Variants in MGAT4C observed in about 807,000 individuals in gnomAD.
MGAT4C encodes MGAT4 family member C.
In MGAT4C, 19 loss-of-function variants were observed where a neutral mutation model predicts 40.1. That is an observed-to-expected ratio of 0.47 (90% CI 0.33 to 0.70). MGAT4C has a LOEUF of 0.70. Ranked by LOEUF, MGAT4C falls within the 30% of genes least tolerant of loss-of-function variation. The probability of loss-of-function intolerance (pLI) is 0.02; values close to 1 mark genes in which losing one functional copy is unlikely to be tolerated. For synonymous variants in MGAT4C, 181 were observed against 187.1 expected, an observed-to-expected ratio of 0.97 and a Z score of 0.27; for missense variants, 491 against 563.2, an observed-to-expected ratio of 0.87 and a Z score of 1.30.
intron 1 of MGAT4C, among the ~76,000 whole-genome samples, chr12:86,197,573 G>A (rs1256222435): frequency 3.3e-5 from 5 of 152,118 alleles, no homozygotes; most frequent in African/African-American, 4.8e-5. Context: ...ATCAAAACCT[G>A]ACCATGTTGG....
chr12:86,691,528 G>A (rs1593119715), intron 2 of MGAT4C, among the ~76,000 whole-genome samples: 2 of 152,126 alleles, frequency 1.3e-5, no homozygotes, highest in Admixed American at 6.5e-5. Context: ...ACAAATGTGA[G>A]CGAAATGGAA....
chr12:86,448,915 A>G (rs991517619), intron 2 of MGAT4C, among the ~76,000 whole-genome samples: 1 of 152,174 alleles, frequency 6.6e-6, no homozygotes, highest in Non-Finnish European at 1.5e-5. Context: ...GGAACCTTCT[A>G]TTTTACAACT....
chr12:86,508,152 C>T (rs1420475003), intron 2 of MGAT4C, among the ~76,000 whole-genome samples: 1 of 152,096 alleles, frequency 6.6e-6, no homozygotes, highest in Non-Finnish European at 1.5e-5. Flanking sequence ...TGGTGCGCTG[C>T]ACCCACTAAC....
intron 1 of MGAT4C, among the ~76,000 whole-genome samples, chr12:86,084,322 T>C (rs1871352929): frequency 6.6e-6 from 1 of 152,182 alleles, no homozygotes; most frequent in East Asian, 1.9e-4. Flanking sequence ...TTAATTTTCC[T>C]GCAGTATATG....
At chr12:86,661,611 A>C (rs1963981344) in intron 2 of MGAT4C, among the ~76,000 whole-genome samples, 1 of 152,182 alleles carries the variant, frequency 6.6e-6, no homozygotes, top group Admixed American at 6.5e-5. Flanking sequence ...TTAATAAAGT[A>C]TCTTTGAATG....
intron 2 of MGAT4C, among the ~76,000 whole-genome samples, chr12:86,511,593 A>G (rs186023984): frequency 6.6e-6 from 1 of 152,294 alleles, no homozygotes; most frequent in East Asian, 1.9e-4. Context: ...CCAGAAATAA[A>G]TCCACAAATA....
chr12:86,013,765 GAA>G (rs199552277), intron 2 of MGAT4C: 2,842 of 775,436 alleles, frequency 3.7e-3, no homozygotes, highest in Non-Finnish European at 4.0e-3. Flanking sequence ...GAATCTTAGT[GAA>G]AAAAAAAAAA....
intron 1 of MGAT4C, among the ~76,000 whole-genome samples, chr12:86,075,825 C>A (rs971259981): frequency 6.6e-6 from 1 of 152,200 alleles, no homozygotes; most frequent in Non-Finnish European, 1.5e-5. Context: ...GGTCACAGGG[C>A]CCTGCCCACA....
chr12:86,657,929 A>C (rs558600496), intron 2 of MGAT4C, among the ~76,000 whole-genome samples: 355 of 152,070 alleles, frequency 2.3e-3, no homozygotes, highest in African/African-American at 8.2e-3. Flanking sequence ...AATTTTATAA[A>C]TTATTCAGTA....
chr12:86,208,463 TCAA>T (rs1471265222), intron 1 of MGAT4C, among the ~76,000 whole-genome samples: 3 of 152,054 alleles, frequency 2.0e-5, no homozygotes, highest in African/African-American at 2.4e-5. Flanking sequence ...TGAGACTGTC[TCAA>T]CAACAACAAC....
At chr12:86,677,284 A>G (rs766035686) in intron 2 of MGAT4C, among the ~76,000 whole-genome samples, 1 of 152,114 alleles carries the variant, frequency 6.6e-6, no homozygotes, top group Non-Finnish European at 1.5e-5. Flanking sequence ...ACCATATTTG[A>G]TGTTCTTTCA....
chr12:86,113,702 A>T (rs999646275), intron 1 of MGAT4C, among the ~76,000 whole-genome samples: 1 of 151,818 alleles, frequency 6.6e-6, no homozygotes, highest in African/African-American at 2.4e-5. Flanking sequence ...ACTTGGGTGA[A>T]CAAGGGTAAA....
chr12:86,079,935 G>A (rs951685806), intron 1 of MGAT4C, among the ~76,000 whole-genome samples: 6 of 151,728 alleles, frequency 4.0e-5, no homozygotes, highest in Non-Finnish European at 8.8e-5. Flanking sequence ...CATTTAGCTA[G>A]GCCTCTCTCT....
chr12:86,382,482 A>G (rs537278409), intron 3 of MGAT4C, among the ~76,000 whole-genome samples: 26 of 152,350 alleles, frequency 1.7e-4, no homozygotes, highest in African/African-American at 6.3e-4. Context: ...TGCAATAGAA[A>G]AGAAAATCAG....
intron 1 of MGAT4C, among the ~76,000 whole-genome samples, chr12:86,070,199 C>T (rs1894948530): frequency 6.6e-6 from 1 of 151,734 alleles, no homozygotes; most frequent in Admixed American, 6.6e-5. Context: ...TCTATTCTAA[C>T]TATTAAACTG....
intron 2 of MGAT4C, among the ~76,000 whole-genome samples, chr12:86,711,988 G>C (rs551947695): frequency 8.3e-4 from 127 of 152,148 alleles, no homozygotes; most frequent in African/African-American, 2.9e-3. Context: ...TAAATGGAGA[G>C]GATTTCAATT....
rs570623876 is a variant in MGAT4C, at chr12:86,049,885, A to G, written c.-56-162T>C. Among the ~76,000 whole-genome samples, 20 of 152,092 alleles carry G rather than the reference A, an allele frequency of 1.3e-4. No individual in the cohort carries two copies. In the South Asian group the frequency reaches 2.7e-3, roughly 20 times the overall value. The stretch of plus-strand genomic sequence containing the variant: ...TAAATTGACAGAAAAATATAGACCA[A>G]ATATTTTAACATAATTTATCTGTGT... On this transcript the variant is annotated intron_variant, in intron 1 of 4. Transcript: ENST00000611864.
At chr12:86,580,370 C>A (rs970090945) in intron 2 of MGAT4C, among the ~76,000 whole-genome samples, 4 of 151,450 alleles carry the variant, frequency 2.6e-5, no homozygotes, top group Non-Finnish European at 5.9e-5. Context: ...TAAGAATTTT[C>A]TCTCTTTAGT....
chr12:86,664,432 T>C (rs1964051641), intron 2 of MGAT4C, among the ~76,000 whole-genome samples: 1 of 152,298 alleles, frequency 6.6e-6, no homozygotes, highest in Non-Finnish European at 1.5e-5. Context: ...TAGAATTTAT[T>C]ATTTTATTTG....
Sources: gnomAD v4.1 joint callset for allele counts (sites outside exome capture counted in the v4.1 genomes callset) on GRCh38, gnomAD v4.1.1 for gene constraint, MANE v1.5 for transcripts, NCBI Gene and HGNC (gene_info 2026-07-23, HGNC 2026-07-21) for gene names.